MS4A7: variants seen among roughly 807,000 people sequenced by gnomAD.
The protein encoded by MS4A7 is membrane spanning 4-domains A7, also known as membrane-spanning 4-domains subfamily A member 7.
A neutral mutation model predicts 23.5 loss-of-function variants in MS4A7; 21 were observed. That is an observed-to-expected ratio of 0.89 (90% CI 0.63 to 1.29). The LOEUF (loss-of-function observed/expected upper bound fraction) is 1.29. Among genes scored for constraint, MS4A7 ranks in the 50% most tolerant of loss-of-function variants. The probability of loss-of-function intolerance (pLI) is 0.00; values close to 1 mark genes in which losing one functional copy is unlikely to be tolerated. For missense variants in MS4A7, 263 were observed against 274.2 expected (o/e 0.96, Z 0.29); for synonymous variants, 111 against 107.4 (o/e 1.03, Z -0.21).
intron 3 of MS4A7, among the ~76,000 whole-genome samples, chr11:60,385,661 A>G (rs1274546576): frequency 6.6e-6 from 1 of 152,188 alleles, no homozygotes. Flanking sequence ...AGAGATTTGG[A>G]TTAACAAGGG....
At position 60,378,636 on chromosome 11, in the gene MS4A7, C is replaced by T. The variant is rs1018608491; in HGVS notation, c.-42C>T. On this transcript the variant is annotated 5_prime_UTR_variant, in exon 1 of 7. Transcript: ENST00000300184. ...CCAGAGGTGAGCTGATCCCCAGCCA[C>T]AGCACACAGGACCAGGCTGCGAGAA... 3 of 152,270 alleles carry T rather than the reference C, an allele frequency of 2.0e-5. No homozygotes were observed. Among genetic ancestry groups the T allele is most frequent in the African/African-American group, 7.2e-5 (3 of 41,460 alleles). The allele number at this position is 152,270 out of a possible 1,614,324, so 9.4% of individuals were successfully genotyped here.
At chr11:60,382,991 A>G (rs1343003553) in intron 1 of MS4A7, 138 bp from the exon 2 acceptor site, 5 of 868,792 alleles carry the variant, frequency 5.8e-6, no homozygotes, top group Non-Finnish European at 8.9e-6. Flanking sequence ...ACTGATCCCC[A>G]TGTTTTGTTT....
At chr11:60,392,662 G>A in intron 5 of MS4A7, 23 bp from the exon 6 acceptor site, 1 of 1,593,258 alleles carries the variant, frequency 6.3e-7, no homozygotes, top group Non-Finnish European at 8.6e-7. Flanking sequence ...TTGGGTACCA[G>A]CCATTCATGT....
At chr11:60,379,771 G>A (rs1343802814) in intron 1 of MS4A7, among the ~76,000 whole-genome samples, 1 of 152,130 alleles carries the variant, frequency 6.6e-6, no homozygotes, top group African/African-American at 2.4e-5. Context: ...CTGACCTCAG[G>A]TGATCTGCCC....
At chr11:60,382,552 A>T (rs929054670) in intron 1 of MS4A7, among the ~76,000 whole-genome samples, 1 of 152,224 alleles carries the variant, frequency 6.6e-6, no homozygotes, top group Admixed American at 6.5e-5. Context: ...AGTTAAGTAA[A>T]TGTTTACATT....
rs757631843 is a variant in MS4A7 at position 60,385,162 on chromosome 11, C to G, written c.222C>G (p.His74Gln). 1.2e-6 allele frequency: 2 copies of G among 1,614,072 alleles called. No individual in the cohort carries two copies. Among genetic ancestry groups the G allele is most frequent in the African/African-American group, 2.7e-5 (2 of 74,922 alleles). The change falls in exon 3 of 7, where the codon CAC (histidine) becomes CAG (glutamine). Residue 74 changes from histidine to glutamine, a missense_variant. His to Gln is a conservative substitution (Grantham distance 24). Transcript: ENST00000300184. ...AILVFAPYPS[H>Q]FNPAISTTLM... ...TGGTTTTTGCTCCCTACCCCTCCCACTTCAATCCAGCAATTTCCACCACTT... is the reference window on the plus strand; with the variant it reads ...TGGTTTTTGCTCCCTACCCCTCCCAGTTCAATCCAGCAATTTCCACCACTT...
intron 5 of MS4A7, 74 bp from the exon 6 acceptor site, chr11:60,392,611 C>T (rs539965479): frequency 1.5e-5 from 16 of 1,096,136 alleles, no homozygotes; most frequent in South Asian, 5.3e-5. Context: ...GGAGCCTCAT[C>T]GCCCTGTCTC....
chr11:60,380,859 G>A (rs575862927), intron 1 of MS4A7, among the ~76,000 whole-genome samples: 1 of 152,310 alleles, frequency 6.6e-6, no homozygotes, highest in African/African-American at 2.4e-5. Context: ...GAGAGGATGA[G>A]AATCAGTTGT....
intron 2 of MS4A7, 25 bp from the exon 3 acceptor site, chr11:60,385,063 A>C (rs1434113808): frequency 1.2e-6 from 2 of 1,608,436 alleles, no homozygotes; most frequent in African/African-American, 2.7e-5. Context: ...AGTGCAGTCT[A>C]GATTTCCTGT....
intron 4 of MS4A7, 141 bp from the exon 5 acceptor site, chr11:60,389,249 A>G (rs935711847): frequency 3.2e-6 from 2 of 634,594 alleles, no homozygotes; most frequent in Admixed American, 3.0e-5. Flanking sequence ...ACAAAGATGA[A>G]TAAAACACAG....
Position 60,383,249 on chromosome 11 carries a change from C to A in MS4A7, c.108C>A (p.Tyr36Ter). Residue 36 changes from tyrosine to a stop codon, truncating the protein, a stop_gained, in exon 2 of 7, where the codon TAC becomes TAA. Transcript: ENST00000300184. LOFTEE classifies it high-confidence loss of function. ...GACACATGTACCAAAACGAAGATTA[C>A]CTGCAGAACGGGCTGCCAACAGAAA... ...KPGHMYQNED[Y>*]LQNGLPTETT... 1 of 1,614,176 alleles carries A rather than the reference C, an allele frequency of 6.2e-7. No individual in the cohort carries two copies. Among genetic ancestry groups the A allele is most frequent in the Non-Finnish European group, 8.5e-7 (1 of 1,180,008 alleles).
Position 60,393,956 on chromosome 11 carries a change from G to T in MS4A7, c.*95G>T. On this transcript the variant is annotated 3_prime_UTR_variant, in exon 7 of 7. Transcript: ENST00000300184. ...AAATCTCTGCCATTTTAGATACTGT[G>T]AAACAAACTAAAAAAAAAAAAGCTT... is the stretch of plus-strand genomic sequence containing the variant. The T allele has an allele frequency of 9.1e-6, 6 of 657,196 alleles. No homozygotes were observed. The highest frequency in any genetic ancestry group is 1.9e-5 in the African/African-American group (1 of 52,266). The allele number at this position is 657,196 out of a possible 1,614,324, so 40.7% of individuals were successfully genotyped here.
At chr11:60,379,308 AATGCAGG>A (rs1423711844) in intron 1 of MS4A7, among the ~76,000 whole-genome samples, 1 of 152,230 alleles carries the variant, frequency 6.6e-6, no homozygotes, top group Non-Finnish European at 1.5e-5. Context: ...GAGATAATTA[AATGCAGG>A]AGGTATCACA....
At position 60,389,408 on chromosome 11, in the gene MS4A7, T is replaced by C; in HGVS notation, c.358T>C (p.Ser120Pro). ...TKPFDLSSLTSNAVSSVTAGA... is the reference protein window; with the variant it reads ...TKPFDLSSLTPNAVSSVTAGA... Reference sequence around the variant, plus strand: ...CTTCCAGGACCTGAGCAGCTTGACCTCAAATGCAGTGAGTTCTGTTACTGC... The same window carrying C: ...CTTCCAGGACCTGAGCAGCTTGACCCCAAATGCAGTGAGTTCTGTTACTGC... Residue 120 changes from serine (S) to proline (P), a missense_variant, in exon 5 of 7, where the codon TCA (serine) becomes CCA (proline). Coordinates refer to ENST00000300184, the MANE Select transcript of MS4A7 (RefSeq NM_021201.5). 1.9e-6 allele frequency: 3 copies of C among 1,612,510 alleles called. No homozygotes were observed. Among genetic ancestry groups the C allele is most frequent in the Non-Finnish European group, 2.5e-6 (3 of 1,179,242 alleles).
chr11:60,379,593 C>CA (rs1555002991), intron 1 of MS4A7, among the ~76,000 whole-genome samples: 3 of 150,532 alleles, frequency 2.0e-5, no homozygotes, highest in East Asian at 1.9e-4. Context: ...GGCTAGAGTG[C>CA]GTGATCTCGG....
chr11:60,380,994 C>T (rs2085423244), intron 1 of MS4A7, among the ~76,000 whole-genome samples: 1 of 152,218 alleles, frequency 6.6e-6, no homozygotes, highest in Admixed American at 6.5e-5. Context: ...TTCACCTCTC[C>T]AAGCCTCATT....
intron 5 of MS4A7, 24 bp downstream of exon 5, chr11:60,389,620 C>G: frequency 1.3e-6 from 2 of 1,594,730 alleles, no homozygotes; most frequent in Non-Finnish European, 1.7e-6. Context: ...GACTGAATAT[C>G]CTGTCATGTG....
intron 1 of MS4A7, among the ~76,000 whole-genome samples, chr11:60,379,636 G>A (rs1480439779): frequency 6.6e-6 from 1 of 152,006 alleles, no homozygotes; most frequent in Non-Finnish European, 1.5e-5. Context: ...AGGTTCAAGC[G>A]ATTCTCCCAT....
Position 60,389,469 on chromosome 11 carries a change from T to A in MS4A7, c.419T>A (p.Val140Glu). 6.2e-7 allele frequency: 1 copy of A among 1,614,048 alleles called. No individual in the cohort carries two copies. Among genetic ancestry groups the A allele is most frequent in the Non-Finnish European group, 8.5e-7 (1 of 1,179,888 alleles). Reference sequence around the variant, plus strand: ...CTCTTCCTCCTTGCTGACAGCATGGTAGCCCTGAGGACTGCCTCTCAACAT... The same window carrying A: ...CTCTTCCTCCTTGCTGACAGCATGGAAGCCCTGAGGACTGCCTCTCAACAT... ...AGLFLLADSMVALRTASQHCG... is the reference protein window; with the variant it reads ...AGLFLLADSMEALRTASQHCG... Residue 140 changes from valine (V) to glutamate (E), a missense_variant, in exon 5 of 7, where the codon GTA becomes GAA. By Grantham distance (121) the Val-to-Glu change is moderately radical. Coordinates refer to ENST00000300184, the MANE Select transcript of MS4A7 (RefSeq NM_021201.5).
Sources: allele counts gnomAD v4.1 joint callset (sites outside exome capture counted in the v4.1 genomes callset), GRCh38; gene constraint gnomAD v4.1.1; transcripts MANE v1.5; gene names NCBI Gene and HGNC (gene_info 2026-07-23, HGNC 2026-07-21).